The following SLC34A1 variants were observed in gnomAD, a reference collection of about 807,000 sequenced individuals.
SLC34A1 encodes the protein sodium-dependent phosphate transport protein 2A.
A neutral mutation model predicts 51.4 loss-of-function variants in SLC34A1; 57 were observed. That is an observed-to-expected ratio of 1.11 (90% CI 0.90 to 1.38). SLC34A1 has a LOEUF of 1.38. Ranked by LOEUF, SLC34A1 falls within the 40% of genes most tolerant of loss-of-function variation. The probability of loss-of-function intolerance (pLI) is 0.00; values close to 1 mark genes in which losing one functional copy is unlikely to be tolerated. For synonymous variants in SLC34A1, 368 were observed against 358.0 expected (o/e 1.03, Z -0.32); for missense variants, 796 against 835.6 (o/e 0.95, Z 0.58).
chr5:177,397,065 C>A lies in SLC34A1; in HGVS notation c.1407C>A (p.Ser469Arg), dbSNP rs771094987. ...CCAGCCCCAGGGAGAAGCTGTCCAG[C>A]GCTTTCCAGGTGCGCTGGGAGTGTA... ...ALASPREKLS[S>R]AFQIALCHFF... Residue 469 changes from serine (S) to arginine (R), a missense_variant, in exon 12 of 13, where the codon AGC (serine) becomes AGA (arginine). Transcript: ENST00000324417. 8 of 1,613,198 alleles carry A rather than the reference C, an allele frequency of 5.0e-6. No individual in the cohort carries two copies. The African/African-American group carries it at 5.3e-5, about 11-fold the overall frequency.
At chr5:177,391,968 G>T (rs979618705) in intron 8 of SLC34A1, among the ~76,000 whole-genome samples, 2 of 152,120 alleles carry the variant, frequency 1.3e-5, no homozygotes, top group Non-Finnish European at 2.9e-5. Context: ...AGCAGTTACC[G>T]TTGCTTTCCC....
intron 8 of SLC34A1, among the ~76,000 whole-genome samples, chr5:177,391,101 C>G (rs1039401847): frequency 6.6e-6 from 1 of 152,200 alleles, no homozygotes; most frequent in South Asian, 2.1e-4. Flanking sequence ...TCTCCTACCC[C>G]ACCCCAGGCC....
chr5:177,385,626 C>A, intron 1 of SLC34A1, 69 bp from the exon 2 acceptor site: 1 of 758,218 alleles, frequency 1.3e-6, no homozygotes. Flanking sequence ...TGGAATCATG[C>A]GCCATGGGGG....
Position 177,398,020 on chromosome 5 carries a change from C to G in SLC34A1, c.1654C>G (p.Leu552Val). 3.1e-6 allele frequency: 5 copies of G among 1,614,126 alleles called. No homozygotes were observed. The highest frequency in any genetic ancestry group is 4.2e-6 in the Non-Finnish European group (5 of 1,180,014). ...TGTGGGCACGCCCTTCGGGGCCCTG[C>G]TGGCCTTCGTGGTGCTCATCAATGT... is the stretch of plus-strand genomic sequence containing the variant. ...VGVGTPFGAL[L>V]AFVVLINVLQ... Residue 552 changes from leucine to valine, a missense_variant, in exon 13 of 13, where the codon CTG (leucine) becomes GTG (valine). By Grantham distance (32) the Leu-to-Val change is conservative. Transcript: ENST00000324417. This position sits in a 1 kb window ranked among gnomAD's most constrained non-coding sequence, Gnocchi z 4.7.
rs150592440 is a variant in SLC34A1, at chr5:177,388,003, G to C, written c.654G>C (p.Ala218=). 3 of 1,612,662 alleles carry C rather than the reference G, an allele frequency of 1.9e-6. No individual in the cohort carries two copies. The highest frequency in any genetic ancestry group is 1.7e-6 in the Non-Finnish European group (2 of 1,179,178). ...TGGCCTCCCTGCCCAGGGCCTTCGC[G>C]GGGGCCACGGTGCATGACTGCTTTA... ...GDRTDFRRAF[A]GATVHDCFNW... Residue 218 remains alanine, a synonymous_variant, in exon 7 of 13, where the codon GCG becomes GCC. Coordinates refer to ENST00000324417, the MANE Select transcript of SLC34A1 (RefSeq NM_003052.5). The surrounding 1 kb of genome is among the most constrained non-coding windows in gnomAD (Gnocchi z 4.3).
chr5:177,385,631 T>TG (rs1210472379), intron 1 of SLC34A1, 64 bp from the exon 2 acceptor site: 4 of 774,564 alleles, frequency 5.2e-6, no homozygotes, highest in Non-Finnish European at 9.1e-6. Context: ...TCATGCGCCA[T>TG]GGGGGTTTGT....
rs201459634 is a variant in SLC34A1, at chr5:177,386,007, A to C, written c.130A>C (p.Thr44Pro). 5.0e-6 allele frequency: 8 copies of C among 1,610,044 alleles called. No individual in the cohort carries two copies. The highest frequency in any genetic ancestry group is 4.2e-6 in the Non-Finnish European group (5 of 1,178,226). Residue 44 changes from threonine to proline, a missense_variant, in exon 3 of 13, where the codon ACC becomes CCC. Physicochemically the swap from Thr to Pro is conservative, Grantham distance 38. Coordinates refer to ENST00000324417, the MANE Select transcript of SLC34A1 (RefSeq NM_003052.5). This position sits in a 1 kb window ranked among gnomAD's most constrained non-coding sequence, Gnocchi z 4.8. ...SPQVLHRIPG[T>P]SAYAFPSLGP... ...CCTAGTCCTACACAGGATCCCGGGG[A>C]CCTCTGCCTATGCCTTCCCCAGCCT...
rs749534013 is a variant in SLC34A1, at chr5:177,397,891, GCCAAGTACCGCTGGTTTGCCGT to G, written c.1528_1549del (p.Lys510SerfsTer26). The G allele has an allele frequency of 5.6e-6, 9 of 1,613,884 alleles. No individual in the cohort carries two copies. Among genetic ancestry groups the G allele is most frequent in the Non-Finnish European group, 7.6e-6 (9 of 1,180,028 alleles). The stretch of plus-strand genomic sequence containing the variant: ...GGCCAAGGCGCTGGGGAAACGCACG[GCCAAGTACCGCTGGTTTGCCGT>G]CCTCTATCTCCTTGTCTGCTTCCTG... On this transcript the variant is annotated frameshift_variant, in exon 13 of 13. Coordinates refer to ENST00000324417, the MANE Select transcript of SLC34A1 (RefSeq NM_003052.5). LOFTEE classifies it high-confidence loss of function.
At chr5:177,397,442 C>A in intron 12 of SLC34A1, 1 of 502,218 alleles carries the variant, frequency 2.0e-6, no homozygotes, top group South Asian at 2.1e-5. Context: ...AACTGACAAG[C>A]CAAGGCACTG....
intron 8 of SLC34A1, chr5:177,389,967 T>C (rs1581640926): frequency 3.6e-6 from 5 of 1,391,170 alleles, no homozygotes; most frequent in African/African-American, 1.5e-5. Flanking sequence ...AGCTGGTGGG[T>C]GGGACCCAAG....
chr5:177,396,779 G>A lies in SLC34A1; in HGVS notation c.1221G>A (p.Val407=). Residue 407 remains valine (V), a synonymous_variant, in exon 11 of 13, where the codon GTG becomes GTA. Coordinates refer to ENST00000324417, the MANE Select transcript of SLC34A1 (RefSeq NM_003052.5). The surrounding 1 kb of genome is among the most constrained non-coding windows in gnomAD (Gnocchi z 4.0). ...GGGTCACAGGCTACTTTGCCATGGT[G>A]GTGGGCGCCAGCATGACCTTCGTGG... is the stretch of plus-strand genomic sequence containing the variant. The part of the protein sequence containing the change: ...FTWVTGYFAM[V]VGASMTFVVQ... 1.2e-6 allele frequency: 2 copies of A among 1,614,236 alleles called. No individual in the cohort carries two copies. The highest frequency in any genetic ancestry group is 2.2e-5 in the East Asian group (1 of 44,886).
chr5:177,387,744 C>A lies in SLC34A1; in HGVS notation c.533-18C>A, dbSNP rs368743188. 1 of 1,600,246 alleles carries A rather than the reference C, an allele frequency of 6.2e-7. No individual in the cohort carries two copies. The highest frequency in any genetic ancestry group is 1.3e-5 in the African/African-American group (1 of 74,722). ...TGGGTGACCGTCAAATTCATTAGGA[C>A]GTCTTCTCTTCTACCAGTGCTGGAG... is the stretch of plus-strand genomic sequence containing the variant. On this transcript the variant is annotated intron_variant, in intron 5 of 12. Transcript: ENST00000324417.
Position 177,388,005 on chromosome 5 carries a change from G to A in SLC34A1, c.656G>A (p.Gly219Glu). Reference sequence around the variant, plus strand: ...GCCTCCCTGCCCAGGGCCTTCGCGGGGGCCACGGTGCATGACTGCTTTAAC... The same window carrying A: ...GCCTCCCTGCCCAGGGCCTTCGCGGAGGCCACGGTGCATGACTGCTTTAAC... The part of the protein sequence containing the change: ...DRTDFRRAFA[G>E]ATVHDCFNWL... Residue 219 changes from glycine to glutamate, a missense_variant, in exon 7 of 13, where the codon GGG becomes GAG. Transcript: ENST00000324417. The surrounding 1 kb of genome is among the most constrained non-coding windows in gnomAD (Gnocchi z 4.3). 1 of 1,612,876 alleles carries A rather than the reference G, an allele frequency of 6.2e-7. No individual in the cohort carries two copies. Among genetic ancestry groups the A allele is most frequent in the East Asian group, 2.2e-5 (1 of 44,850 alleles).
In SLC34A1 at chr5:177,398,373, G is replaced by A; in HGVS notation, c.*87G>A. 1 of 1,489,234 alleles carries A rather than the reference G, an allele frequency of 6.7e-7. No individual in the cohort carries two copies. Among genetic ancestry groups the A allele is most frequent in the Admixed American group, 1.7e-5 (1 of 59,904 alleles). 92.3% of individuals were successfully genotyped at this position (1,489,234 alleles called of 1,614,324 possible). The stretch of plus-strand genomic sequence containing the variant: ...AGGGTGTGTGTAGGTATGTGCATGT[G>A]CCTGTGCCACCCTGGGTGCCAGTCT... On this transcript the variant is annotated 3_prime_UTR_variant, in exon 13 of 13. Coordinates refer to ENST00000324417, the MANE Select transcript of SLC34A1 (RefSeq NM_003052.5). The surrounding 1 kb of genome is among the most constrained non-coding windows in gnomAD (Gnocchi z 4.7).
In SLC34A1 at chr5:177,386,358, C is replaced by T. The variant is rs201689259; in HGVS notation, c.388+9C>T. On this transcript the variant is annotated intron_variant, in intron 4 of 12. Coordinates refer to ENST00000324417, the MANE Select transcript of SLC34A1 (RefSeq NM_003052.5). This position sits in a 1 kb window ranked among gnomAD's most constrained non-coding sequence, Gnocchi z 4.8. ...CTTCCAGCTGGCTGGAGGTAGGGCCCGGGTGGAGGAGACCTGGGAGGGGTT... is the reference window on the plus strand; with the variant it reads ...CTTCCAGCTGGCTGGAGGTAGGGCCTGGGTGGAGGAGACCTGGGAGGGGTT... 28 of 1,614,236 alleles carry T rather than the reference C, an allele frequency of 1.7e-5. No homozygotes were observed. Among genetic ancestry groups the T allele is most frequent in the African/African-American group, 6.7e-5 (5 of 75,076 alleles).
chr5:177,394,819 G>C (rs568182416), intron 10 of SLC34A1, among the ~76,000 whole-genome samples: 1 of 149,614 alleles, frequency 6.7e-6, no homozygotes, highest in African/African-American at 2.5e-5. Context: ...TCAGCCTCTC[G>C]AGTAGCTAGG....
chr5:177,386,515 C>CAG lies in SLC34A1; in HGVS notation c.484_485dup (p.Ser162ArgfsTer21), dbSNP rs1561627197. The stretch of plus-strand genomic sequence containing the variant: ...GGGGATCCTGGTGACCGTGCTGGTG[C>CAG]AGAGCTCCAGCACCTCCACATCCAT... On this transcript the variant is annotated frameshift_variant, in exon 5 of 13. Transcript: ENST00000324417. LOFTEE classifies it high-confidence loss of function. This position sits in a 1 kb window ranked among gnomAD's most constrained non-coding sequence, Gnocchi z 4.8. The CAG allele has an allele frequency of 6.2e-7, 1 of 1,613,950 alleles. No homozygotes were observed. The highest frequency in any genetic ancestry group is 8.5e-7 in the Non-Finnish European group (1 of 1,179,840).
At chr5:177,394,886 G>C (rs1021446542) in intron 10 of SLC34A1, among the ~76,000 whole-genome samples, 38 of 151,872 alleles carry the variant, frequency 2.5e-4, no homozygotes, top group African/African-American at 8.5e-4. Context: ...GTCGAGACAG[G>C]GTTTCACCAT....
chr5:177,397,851 C>A lies in SLC34A1; in HGVS notation c.1485C>A (p.Arg495=), dbSNP rs768939354. The change falls in exon 13 of 13, where the codon CGC becomes CGA. Residue 495 remains arginine, a synonymous_variant. Coordinates refer to ENST00000324417, the MANE Select transcript of SLC34A1 (RefSeq NM_003052.5). ...ILLWYPVPCT[R]LPIRMAKALG... is the part of the protein sequence containing the mutation. ...TGTGGTACCCGGTGCCCTGCACACGCCTGCCCATCCGCATGGCCAAGGCGC... is the reference window on the plus strand; with the variant it reads ...TGTGGTACCCGGTGCCCTGCACACGACTGCCCATCCGCATGGCCAAGGCGC... 1.5e-5 allele frequency: 24 copies of A among 1,613,598 alleles called. No homozygotes were observed. The Admixed American group carries it at 4.0e-4, about 27-fold the overall frequency.
Sources: allele counts gnomAD v4.1 joint callset (sites outside exome capture counted in the v4.1 genomes callset), GRCh38; gene constraint gnomAD v4.1.1; non-coding constraint Gnocchi (gnomAD v3.1); transcripts MANE v1.5; gene names NCBI Gene and HGNC (gene_info 2026-07-23, HGNC 2026-07-21).